Variants in CREBRF observed in about 807,000 individuals in gnomAD.
The protein encoded by CREBRF is CREB3 regulatory factor, also known as UPF0474 protein C5orf41.
In CREBRF, 5 loss-of-function variants were observed where a neutral mutation model predicts 66.1. That is an observed-to-expected ratio of 0.08 (90% confidence interval 0.04 to 0.16). CREBRF has a LOEUF of 0.16. Ranked by LOEUF, CREBRF falls within the 10% of genes least tolerant of loss-of-function variation. The pLI, the probability that CREBRF is intolerant of heterozygous loss-of-function variation, is 1.00. For synonymous variants in CREBRF, 229 were observed against 264.4 expected (o/e 0.87, Z 1.30); for missense variants, 531 against 744.9 (o/e 0.71, Z 3.34).
At chr5:173,069,217 G>T (rs1757530247) in intron 1 of CREBRF, among the ~76,000 whole-genome samples, 1 of 152,078 alleles carries the variant, frequency 6.6e-6, no homozygotes, top group African/African-American at 2.4e-5. Flanking sequence ...TTGTGCTAGG[G>T]CTAGATACTT....
chr5:173,111,501 A>G (rs1440836670), intron 6 of CREBRF, among the ~76,000 whole-genome samples: 1 of 152,236 alleles, frequency 6.6e-6, no homozygotes, highest in Non-Finnish European at 1.5e-5. Context: ...CTGGGATTAC[A>G]GGCGTGAGCC....
At chr5:173,116,789 A>G (rs1051206180) in intron 7 of CREBRF, among the ~76,000 whole-genome samples, 1 of 152,244 alleles carries the variant, frequency 6.6e-6, no homozygotes, top group East Asian at 1.9e-4. Flanking sequence ...ATTTACTTCT[A>G]TAAGAAACTG....
chr5:173,119,857 T>C (rs1759097302), intron 7 of CREBRF, among the ~76,000 whole-genome samples: 1 of 152,220 alleles, frequency 6.6e-6, no homozygotes, highest in African/African-American at 2.4e-5. Context: ...AATCATGTAT[T>C]GTTCTCTTTT....
chr5:173,075,187 G>A (rs531624604), intron 1 of CREBRF, among the ~76,000 whole-genome samples: 1 of 152,214 alleles, frequency 6.6e-6, no homozygotes, highest in African/African-American at 2.4e-5. Context: ...GGCATGTTTT[G>A]CTAATAATCA....
At chr5:173,081,417 C>T (rs1211170064) in intron 2 of CREBRF, among the ~76,000 whole-genome samples, 1 of 152,158 alleles carries the variant, frequency 6.6e-6, no homozygotes, top group Non-Finnish European at 1.5e-5. Flanking sequence ...CTTTTCTTCT[C>T]CAGTGTTTAG....
At chr5:173,096,302 GATC>G (rs1758474805) in intron 4 of CREBRF, among the ~76,000 whole-genome samples, 1 of 152,148 alleles carries the variant, frequency 6.6e-6, no homozygotes, top group Non-Finnish European at 1.5e-5. Flanking sequence ...CTAGATACAA[GATC>G]ATGTCATCTA....
At chr5:173,100,802 A>G (rs188008103) in intron 4 of CREBRF, among the ~76,000 whole-genome samples, 15 of 152,284 alleles carry the variant, frequency 9.9e-5, no homozygotes, top group African/African-American at 3.4e-4. Flanking sequence ...TTTCTTGTGA[A>G]GCAGTCCTAC....
At chr5:173,068,941 G>A (rs1420296162) in intron 1 of CREBRF, among the ~76,000 whole-genome samples, 3 of 151,884 alleles carry the variant, frequency 2.0e-5, no homozygotes, top group African/African-American at 4.8e-5. Flanking sequence ...GCGTGGTGGC[G>A]TGCACCTGTA....
chr5:173,076,461 A>G (rs2560325), intron 1 of CREBRF, among the ~76,000 whole-genome samples: 73,944 of 151,966 alleles, frequency 0.49, 19,146 homozygotes, highest in Non-Finnish European at 0.58. Context: ...TTTAAATTAG[A>G]GGTCATGGCC....
At chr5:173,120,882 G>T (rs892062917) in intron 7 of CREBRF, among the ~76,000 whole-genome samples, 1 of 151,380 alleles carries the variant, frequency 6.6e-6, no homozygotes, top group African/African-American at 2.4e-5. Flanking sequence ...TATTAGACAT[G>T]GGGTTTCGTC....
chr5:173,091,943 T>C (rs1554124688), intron 4 of CREBRF: 1 of 279,544 alleles, frequency 3.6e-6, no homozygotes, highest in Non-Finnish European at 5.4e-6. Flanking sequence ...AAATCAGATG[T>C]GGTGGCACGC....
chr5:173,058,823 T>C (rs1757164008), intron 1 of CREBRF, among the ~76,000 whole-genome samples: 1 of 123,936 alleles, frequency 8.1e-6, no homozygotes, highest in Non-Finnish European at 1.6e-5. Flanking sequence ...TAAGACGGAG[T>C]CTCCGTCTGT....
Position 173,139,009 on chromosome 5 carries a change from T to TC in CREBRF, c.*5265dup, listed in dbSNP as rs998824055. 6.6e-6 allele frequency: 1 copy of TC among 152,152 alleles called. No homozygotes were observed. The highest frequency in any genetic ancestry group is 1.5e-5 in the Non-Finnish European group (1 of 68,024). 9.4% of individuals were successfully genotyped at this position (152,152 alleles called of 1,614,324 possible). ...TAAATATTCTGTAGTTTTTTTTTTT[T>TC]CTCTCCCAACTGGAGCTATGACACT... is the stretch of plus-strand genomic sequence containing the variant. On this transcript the variant is annotated 3_prime_UTR_variant, in exon 9 of 9. Coordinates refer to ENST00000296953, the MANE Select transcript of CREBRF (RefSeq NM_153607.3).
chr5:173,073,859 C>T (rs977878021), intron 1 of CREBRF, among the ~76,000 whole-genome samples: 3 of 151,974 alleles, frequency 2.0e-5, no homozygotes, highest in South Asian at 2.1e-4. Context: ...CCCAGCTACT[C>T]GGGAAGCTGA....
rs1242168493 is a variant in CREBRF, at chr5:173,133,939, A to G, written c.*194A>G. 1 of 400,922 alleles carries G rather than the reference A, an allele frequency of 2.5e-6. No individual in the cohort carries two copies. Among genetic ancestry groups the G allele is most frequent in the South Asian group, 4.2e-5 (1 of 23,720 alleles). 24.8% of individuals were successfully genotyped at this position (400,922 alleles called of 1,614,324 possible). ...TTATTGCATTTTCAGAGCATAAACC[A>G]TGATTAAAACTGCTACTGGCATCAG... On this transcript the variant is annotated 3_prime_UTR_variant, in exon 9 of 9. Coordinates refer to ENST00000296953, the MANE Select transcript of CREBRF (RefSeq NM_153607.3).
chr5:173,085,195 G>T, intron 2 of CREBRF: 1 of 364,938 alleles, frequency 2.7e-6, no homozygotes, highest in South Asian at 5.0e-5. Flanking sequence ...CGCCTGCCTT[G>T]GCTTCCCAAA....
intron 1 of CREBRF, among the ~76,000 whole-genome samples, chr5:173,078,861 A>G (rs1213859845): frequency 6.6e-6 from 1 of 152,118 alleles, no homozygotes; most frequent in African/African-American, 2.4e-5. Flanking sequence ...TTCAGATTTT[A>G]AAGGGTATCA....
chr5:173,100,118 G>GTGTGTGTATATA lies in CREBRF; in HGVS notation c.1223-8505_1223-8504insGTGTGTATATAT, dbSNP rs70984939. Among the ~76,000 whole-genome samples the GTGTGTGTATATA allele has an allele frequency of 4.0e-3, 355 of 88,356 alleles. 4 individuals are homozygous for GTGTGTGTATATA. Among genetic ancestry groups the GTGTGTGTATATA allele is most frequent in the African/African-American group, 0.01 (207 of 20,420 alleles). 58.0% of individuals were successfully genotyped at this position (88,356 alleles called of 152,430 possible). A position where few individuals can be genotyped will look rare whatever the true frequency, so the allele number is the denominator to read the frequency against. On this transcript the variant is annotated intron_variant, in intron 4 of 8. Transcript: ENST00000296953. Reference sequence around the variant, plus strand: ...TGTGTGTGTGTGTGTGTGTGTGTGTGTATATATATATAATTTTTTTTTTTT... The same window carrying GTGTGTGTATATA: ...TGTGTGTGTGTGTGTGTGTGTGTGTGTGTGTGTATATATATATATATATAATTTTTTTTTTTT...
intron 7 of CREBRF, among the ~76,000 whole-genome samples, chr5:173,113,177 A>G (rs1758907226): frequency 6.6e-6 from 1 of 152,058 alleles, no homozygotes; most frequent in Non-Finnish European, 1.5e-5. Context: ...CATTTTTCAT[A>G]GAGGTGGAGT....
Sources: allele counts gnomAD v4.1 joint callset (sites outside exome capture counted in the v4.1 genomes callset), GRCh38; gene constraint gnomAD v4.1.1; transcripts MANE v1.5; gene names NCBI Gene and HGNC (gene_info 2026-07-23, HGNC 2026-07-21).